Variants in THRB observed in about 807,000 individuals in gnomAD.
THRB encodes nuclear receptor subfamily 1 group A member 2.
In THRB, 12 loss-of-function variants were observed where a neutral mutation model predicts 47.8. The ratio of observed to expected loss-of-function variants is 0.25; its 90% CI spans 0.16 to 0.41. The LOEUF is 0.41. Among genes scored for constraint, THRB ranks in the 10% least tolerant of loss-of-function variants. The probability of loss-of-function intolerance (pLI) is 1.00; values close to 1 mark genes in which losing one functional copy is unlikely to be tolerated. For missense variants in THRB, 348 were observed against 589.2 expected, an observed-to-expected ratio of 0.59 and a Z score of 4.24; for synonymous variants, 218 against 212.2, an observed-to-expected ratio of 1.03 and a Z score of -0.24.
At chr3:24,184,449 C>T (rs760401634) in intron 5 of THRB, among the ~76,000 whole-genome samples, 36 of 152,310 alleles carry the variant, frequency 2.4e-4, no homozygotes, top group South Asian at 4.1e-4. Flanking sequence ...TGCATCTCAA[C>T]GAAAACTGAA....
chr3:24,218,335 TC>T (rs1251601274), intron 4 of THRB, among the ~76,000 whole-genome samples: 27 of 117,914 alleles, frequency 2.3e-4, no homozygotes, highest in African/African-American at 8.6e-4. Context: ...TCTCTCTCTC[TC>T]TCTCTCTTTT....
intron 4 of THRB, among the ~76,000 whole-genome samples, chr3:24,210,917 G>C (rs1040360323): frequency 6.6e-6 from 1 of 152,224 alleles, no homozygotes; most frequent in African/African-American, 2.4e-5. Flanking sequence ...AAGATGGTGG[G>C]GCCAAGTGCG....
intron 5 of THRB, among the ~76,000 whole-genome samples, chr3:24,186,385 G>T (rs1265672748): frequency 6.6e-6 from 1 of 150,968 alleles, no homozygotes; most frequent in Admixed American, 6.6e-5. Flanking sequence ...CTGAGCAATT[G>T]GTTCAAATTG....
intron 1 of THRB, among the ~76,000 whole-genome samples, chr3:24,481,891 T>G (rs1696494600): frequency 6.6e-6 from 1 of 150,980 alleles, no homozygotes; most frequent in Non-Finnish European, 1.5e-5. Flanking sequence ...GCTGGAATCC[T>G]GAGCAGGTAA....
chr3:24,307,431 AT>A (rs2057432612), intron 2 of THRB, among the ~76,000 whole-genome samples: 2 of 151,752 alleles, frequency 1.3e-5, no homozygotes, highest in Admixed American at 6.6e-5. Context: ...TTCCCTTCTT[AT>A]TTTTTTCCAC....
At chr3:24,419,144 A>T (rs1236244123) in intron 1 of THRB, among the ~76,000 whole-genome samples, 1 of 151,936 alleles carries the variant, frequency 6.6e-6, no homozygotes, top group South Asian at 2.1e-4. Flanking sequence ...GATAAAAAGA[A>T]AGCAAAAGAA....
chr3:24,355,875 T>C (rs773179934), intron 1 of THRB, among the ~76,000 whole-genome samples: 8 of 152,152 alleles, frequency 5.3e-5, no homozygotes, highest in Non-Finnish European at 1.0e-4. Flanking sequence ...ACAAATTAGC[T>C]ATATGAAAAA....
At chr3:24,260,881 A>G (rs1283077862) in intron 3 of THRB, among the ~76,000 whole-genome samples, 1 of 152,224 alleles carries the variant, frequency 6.6e-6, no homozygotes, top group East Asian at 1.9e-4. Context: ...TTCTATTACC[A>G]CAGATCAGAC....
chr3:24,289,052 G>T (rs1392350028), intron 3 of THRB, among the ~76,000 whole-genome samples: 4 of 152,214 alleles, frequency 2.6e-5, no homozygotes, highest in Non-Finnish European at 5.9e-5. Context: ...TAAGAAGAGG[G>T]AGGGGATGAG....
intron 3 of THRB, among the ~76,000 whole-genome samples, chr3:24,245,724 C>T (rs1248448628): frequency 6.6e-6 from 1 of 152,068 alleles, no homozygotes; most frequent in African/African-American, 2.4e-5. Context: ...ACCAGCCTGG[C>T]CAATATGGTG....
chr3:24,282,605 T>C (rs1285409303), intron 3 of THRB, among the ~76,000 whole-genome samples: 4 of 130,370 alleles, frequency 3.1e-5, no homozygotes, highest in East Asian at 2.2e-4. Context: ...CTGAAGGAAA[T>C]AGAGACACAA....
chr3:24,136,438 G>A (rs1559424186), intron 8 of THRB, among the ~76,000 whole-genome samples: 2 of 152,074 alleles, frequency 1.3e-5, no homozygotes, highest in African/African-American at 4.8e-5. Flanking sequence ...GGTTAATCAA[G>A]GTTGAGCAGT....
chr3:24,268,224 C>CA (rs11370578), intron 3 of THRB, among the ~76,000 whole-genome samples: 2,412 of 151,778 alleles, frequency 0.016, 58 homozygotes, highest in African/African-American at 0.049. Flanking sequence ...GCCAAACAAA[C>CA]AAAAAAACTG....
At chr3:24,164,702 C>G (rs1023070751) in intron 5 of THRB, among the ~76,000 whole-genome samples, 1 of 152,130 alleles carries the variant, frequency 6.6e-6, no homozygotes. Flanking sequence ...CACCACAACA[C>G]CTACCCGCCA....
chr3:24,142,843 A>G (rs1209656566), intron 8 of THRB, among the ~76,000 whole-genome samples: 1 of 152,238 alleles, frequency 6.6e-6, no homozygotes, highest in Non-Finnish European at 1.5e-5. Context: ...ATTCCAGCTT[A>G]CCTCAAAACA....
intron 8 of THRB, among the ~76,000 whole-genome samples, chr3:24,143,138 T>C (rs778905591): frequency 1.5e-4 from 23 of 152,206 alleles, no homozygotes; most frequent in Non-Finnish European, 1.0e-4. Flanking sequence ...TAAATATGTA[T>C]ATACTGGGCA....
chr3:24,411,019 C>A lies in THRB; in HGVS notation c.-260-73648G>T, dbSNP rs542217668. Among the ~76,000 whole-genome samples, 5 of 151,916 alleles carry A rather than the reference C, an allele frequency of 3.3e-5. No individual in the cohort carries two copies. The East Asian group carries it at 5.9e-4, about 18-fold the overall frequency. On this transcript the variant is annotated intron_variant, in intron 1 of 10. Coordinates refer to ENST00000646209, the MANE Select transcript of THRB (RefSeq NM_001354712.2). ...CTGGGAGTGCTGAGTCGGCAACATT[C>A]TCTGTTCTCCTCTTTCTTTTGACCA...
chr3:24,475,666 T>C (rs1374316322), intron 1 of THRB, among the ~76,000 whole-genome samples: 1 of 152,186 alleles, frequency 6.6e-6, no homozygotes, highest in East Asian at 1.9e-4. Context: ...CCACACACTG[T>C]AACACTTATG....
chr3:24,251,972 A>G (rs2050714360), intron 3 of THRB, among the ~76,000 whole-genome samples: 1 of 152,130 alleles, frequency 6.6e-6, no homozygotes, highest in African/African-American at 2.4e-5. Context: ...AAAAAATGGA[A>G]TATTTCTAGG....
Sources: allele counts gnomAD v4.1 joint callset (sites outside exome capture counted in the v4.1 genomes callset), GRCh38; gene constraint gnomAD v4.1.1; transcripts MANE v1.5; gene names NCBI Gene and HGNC (gene_info 2026-07-23, HGNC 2026-07-21).